The following MTCL3 variants were observed in gnomAD, a reference collection of about 807,000 sequenced individuals.
MTCL3 encodes the protein microtubule cross-linking factor 3.
At chr6:127,490,674 T>A in the MTCL3 span, among the ~76,000 whole-genome samples, 525 of 151,982 alleles carry the variant, frequency 3.5e-3, 4 homozygotes, top group African/African-American at 0.012. Flanking sequence ...AAAATTAGCC[T>A]AGTGTAGTGA....
chr6:127,510,213 C>T, the MTCL3 span, among the ~76,000 whole-genome samples: 1 of 152,164 alleles, frequency 6.6e-6, no homozygotes, highest in African/African-American at 2.4e-5. Context: ...ATTCCCTAAT[C>T]AGGCATTGAC....
At chr6:127,494,584 T>C in the MTCL3 span, among the ~76,000 whole-genome samples, 1 of 152,188 alleles carries the variant, frequency 6.6e-6, no homozygotes, top group Non-Finnish European at 1.5e-5. Flanking sequence ...TTAGGAAGAA[T>C]TGGCCTCTGT....
the MTCL3 span, chr6:127,514,943 G>A: frequency 1.2e-6 from 2 of 1,614,010 alleles, no homozygotes; most frequent in Non-Finnish European, 8.5e-7. Context: ...AGTTTTTGTT[G>A]GCTCTCTCCA....
the MTCL3 span, among the ~76,000 whole-genome samples, chr6:127,514,021 C>T: frequency 6.6e-6 from 1 of 152,192 alleles, no homozygotes; most frequent in South Asian, 2.1e-4. Flanking sequence ...ATCTTTAAAT[C>T]CCAATGAAGT....
chr6:127,494,983 G>A, the MTCL3 span, among the ~76,000 whole-genome samples: 1 of 152,186 alleles, frequency 6.6e-6, no homozygotes, highest in East Asian at 1.9e-4. Flanking sequence ...AGACCACGAG[G>A]TCAGGAGATC....
At chr6:127,484,195 T>C in the MTCL3 span, among the ~76,000 whole-genome samples, 1 of 152,192 alleles carries the variant, frequency 6.6e-6, no homozygotes, top group Non-Finnish European at 1.5e-5. Context: ...AATTAAATTC[T>C]TCACATGTTA....
the MTCL3 span, among the ~76,000 whole-genome samples, chr6:127,486,000 T>C: frequency 1.3e-5 from 2 of 152,116 alleles, no homozygotes; most frequent in Non-Finnish European, 2.9e-5. Flanking sequence ...CACTAACTCC[T>C]GAAAAGAAGT....
the MTCL3 span, among the ~76,000 whole-genome samples, chr6:127,502,945 C>T: frequency 6.6e-6 from 1 of 152,168 alleles, no homozygotes; most frequent in African/African-American, 2.4e-5. Flanking sequence ...GTCCTATGTT[C>T]CTAGTTTTTG....
At chr6:127,505,443 C>T in the MTCL3 span, among the ~76,000 whole-genome samples, 1 of 152,186 alleles carries the variant, frequency 6.6e-6, no homozygotes, top group East Asian at 1.9e-4. Context: ...TGCGTGTTCT[C>T]ACTTACAAGT....
At chr6:127,494,039 C>T in the MTCL3 span, among the ~76,000 whole-genome samples, 1 of 152,158 alleles carries the variant, frequency 6.6e-6, no homozygotes, top group Non-Finnish European at 1.5e-5. Context: ...GTGTGGGAAT[C>T]AGAATTATCT....
At chr6:127,516,821 CAGGGCTGTCTTTAGGAATAGGATGG>C in the MTCL3 span, 2 of 849,154 alleles carry the variant, frequency 2.4e-6, no homozygotes, top group African/African-American at 1.7e-5. Flanking sequence ...GAATAGGATG[CAGGGCTGTCTTTAGGAATAGGATGG>C]AGGGCTGTCA....
the MTCL3 span, among the ~76,000 whole-genome samples, chr6:127,508,839 T>A: frequency 3.9e-5 from 6 of 152,300 alleles, no homozygotes; most frequent in Admixed American, 1.3e-4. Flanking sequence ...GAAAATAAAG[T>A]TCACTGCTAC....
the MTCL3 span, among the ~76,000 whole-genome samples, chr6:127,513,370 C>T: frequency 1.3e-5 from 2 of 152,168 alleles, no homozygotes; most frequent in Non-Finnish European, 2.9e-5. Context: ...ATTTTGTTCC[C>T]TTAACTTCTG....
the MTCL3 span, among the ~76,000 whole-genome samples, chr6:127,489,258 G>A: frequency 6.6e-6 from 1 of 152,138 alleles, no homozygotes; most frequent in East Asian, 1.9e-4. Flanking sequence ...TAAATGTGGT[G>A]TGTGTTCTAT....
the MTCL3 span, among the ~76,000 whole-genome samples, chr6:127,502,792 T>C: frequency 6.6e-6 from 1 of 152,176 alleles, no homozygotes; most frequent in Non-Finnish European, 1.5e-5. Flanking sequence ...CCCTTGTGAA[T>C]AGACAGGATA....
the MTCL3 span, among the ~76,000 whole-genome samples, chr6:127,508,555 G>C: frequency 6.6e-6 from 1 of 152,162 alleles, no homozygotes; most frequent in Non-Finnish European, 1.5e-5. Flanking sequence ...GAACCCTCTG[G>C]AGCAAAGACT....
chr6:127,497,391 A>T, the MTCL3 span, among the ~76,000 whole-genome samples: 1 of 152,242 alleles, frequency 6.6e-6, no homozygotes, highest in Non-Finnish European at 1.5e-5. Flanking sequence ...TTCTTTCCTT[A>T]TCCAAACATT....
the MTCL3 span, among the ~76,000 whole-genome samples, chr6:127,505,708 A>AT: frequency 6.6e-5 from 10 of 152,260 alleles, no homozygotes; most frequent in South Asian, 6.2e-4. Context: ...TCAAATGTCC[A>AT]TTTTTTTAAA....
the MTCL3 span, among the ~76,000 whole-genome samples, chr6:127,474,349 C>T: frequency 6.6e-6 from 1 of 152,042 alleles, no homozygotes; most frequent in Non-Finnish European, 1.5e-5. Flanking sequence ...GTAATCTTGG[C>T]TCACTGCAAC....
Sources: allele counts gnomAD v4.1 joint callset (sites outside exome capture counted in the v4.1 genomes callset), GRCh38; gene constraint gnomAD v4.1.1; transcripts MANE v1.5; gene names NCBI Gene and HGNC (gene_info 2026-07-23, HGNC 2026-07-21).